LRRTM3: variants seen among roughly 807,000 people sequenced by gnomAD.
LRRTM3 encodes leucine rich repeat transmembrane neuronal 3, also known as leucine-rich repeat transmembrane neuronal protein 3.
LRRTM3 carries 24 observed loss-of-function variants against 44.7 expected under a neutral mutation model. The observed-to-expected ratio is 0.54, with a 90% CI of 0.39 to 0.76. The LOEUF is 0.76. Among genes scored for constraint, LRRTM3 ranks in the 30% least tolerant of loss-of-function variants. LRRTM3 has a pLI of 0.00. For missense variants in LRRTM3, 587 were observed against 702.2 expected (o/e 0.84, Z 1.85); for synonymous variants, 277 against 278.7 (o/e 0.99, Z 0.06).
chr10:66,976,294 G>A (rs1201092626), intron 2 of LRRTM3, among the ~76,000 whole-genome samples: 1 of 152,168 alleles, frequency 6.6e-6, no homozygotes, highest in Non-Finnish European at 1.5e-5. Context: ...CGATACCCCT[G>A]TAAAAGGGAT....
At chr10:67,039,877 C>T (rs1415400727) in intron 2 of LRRTM3, among the ~76,000 whole-genome samples, 1 of 152,076 alleles carries the variant, frequency 6.6e-6, no homozygotes, top group African/African-American at 2.4e-5. Context: ...AATCTGAATA[C>T]CTATGACCTC....
At chr10:66,984,585 A>G (rs1850623086) in intron 2 of LRRTM3, among the ~76,000 whole-genome samples, 2 of 152,198 alleles carry the variant, frequency 1.3e-5, no homozygotes, top group South Asian at 4.1e-4. Flanking sequence ...GATCTTCAAA[A>G]TACTTCTCAA....
At chr10:67,062,639 C>A (rs924448075) in intron 2 of LRRTM3, among the ~76,000 whole-genome samples, 2 of 152,088 alleles carry the variant, frequency 1.3e-5, no homozygotes, top group African/African-American at 4.8e-5. Context: ...TAACATTCTT[C>A]TTTGCAAATG....
intron 2 of LRRTM3, among the ~76,000 whole-genome samples, chr10:66,989,311 T>C (rs75644171): frequency 0.018 from 2,717 of 152,326 alleles, 25 homozygotes; most frequent in African/African-American, 0.026. Context: ...ATTTAATATA[T>C]GTCAACTTAT....
At chr10:67,009,767 C>G (rs1852212305) in intron 2 of LRRTM3, among the ~76,000 whole-genome samples, 1 of 152,136 alleles carries the variant, frequency 6.6e-6, no homozygotes, top group Admixed American at 6.6e-5. Flanking sequence ...TTACTCCATT[C>G]CTCTGTCACC....
rs559774039 is a variant in LRRTM3 at position 66,954,498 on chromosome 10, G to A, written c.1536+26046G>A. Reference sequence around the variant, plus strand: ...GTTGTGCACTACACGGTCCCGCAATGGATTACAATATTAATGCTGACCTCT... The same window carrying A: ...GTTGTGCACTACACGGTCCCGCAATAGATTACAATATTAATGCTGACCTCT... On this transcript the variant is annotated intron_variant, in intron 2 of 2. Coordinates refer to ENST00000361320, the MANE Select transcript of LRRTM3 (RefSeq NM_178011.5). Among the ~76,000 whole-genome samples the A allele has an allele frequency of 1.9e-3, 294 of 152,198 alleles. 2 individuals carry two copies. The highest frequency in any genetic ancestry group is 3.3e-3 in the Non-Finnish European group (227 of 67,988).
chr10:66,968,216 G>C (rs2132812663), intron 2 of LRRTM3, among the ~76,000 whole-genome samples: 1 of 151,890 alleles, frequency 6.6e-6, no homozygotes, highest in Non-Finnish European at 1.5e-5. Flanking sequence ...TATGTTGCTG[G>C]CTGTGGATTT....
At chr10:67,017,457 G>A (rs1460130697) in intron 2 of LRRTM3, among the ~76,000 whole-genome samples, 1 of 152,132 alleles carries the variant, frequency 6.6e-6, no homozygotes, top group East Asian at 1.9e-4. Context: ...TGTGAGCCAC[G>A]ATTAGTCCTC....
intron 2 of LRRTM3, among the ~76,000 whole-genome samples, chr10:67,096,845 AC>A (rs1162143778): frequency 6.6e-6 from 1 of 151,822 alleles, no homozygotes; most frequent in Non-Finnish European, 1.5e-5. Flanking sequence ...TTTCATAGGA[AC>A]CATAGATTTT....
intron 2 of LRRTM3, among the ~76,000 whole-genome samples, chr10:67,064,125 G>T (rs762614733): frequency 6.6e-6 from 1 of 152,068 alleles, no homozygotes; most frequent in African/African-American, 2.4e-5. Flanking sequence ...AGATGTGTTA[G>T]CCTATCAACT....
chr10:66,973,610 T>A (rs1433665057), intron 2 of LRRTM3, among the ~76,000 whole-genome samples: 1 of 152,164 alleles, frequency 6.6e-6, no homozygotes, highest in Non-Finnish European at 1.5e-5. Context: ...TCTCAAATAA[T>A]TTTGTTAGAC....
intron 2 of LRRTM3, among the ~76,000 whole-genome samples, chr10:67,034,252 T>G (rs1564844761): frequency 6.6e-6 from 1 of 152,196 alleles, no homozygotes; most frequent in Non-Finnish European, 1.5e-5. Context: ...CTGGAGCTTA[T>G]TCTGTGTAAT....
chr10:67,063,354 A>T (rs1272507269), intron 2 of LRRTM3, among the ~76,000 whole-genome samples: 1 of 152,216 alleles, frequency 6.6e-6, no homozygotes, highest in East Asian at 1.9e-4. Context: ...TGAGAATCAA[A>T]CTAGATAAAG....
At chr10:67,065,704 GT>G (rs1856032548) in intron 2 of LRRTM3, among the ~76,000 whole-genome samples, 1 of 151,970 alleles carries the variant, frequency 6.6e-6, no homozygotes, top group South Asian at 2.1e-4. Context: ...GAACTCCAAG[GT>G]CCTAGATAAA....
intron 2 of LRRTM3, among the ~76,000 whole-genome samples, chr10:66,997,400 A>G (rs1851414548): frequency 6.6e-6 from 1 of 152,306 alleles, no homozygotes; most frequent in East Asian, 1.9e-4. Context: ...TTTTAATCAG[A>G]TTTCATTTTA....
intron 2 of LRRTM3, among the ~76,000 whole-genome samples, chr10:66,996,524 T>G (rs906434541): frequency 1.3e-5 from 2 of 151,832 alleles, no homozygotes; most frequent in African/African-American, 4.8e-5. Context: ...GGCGCGTGCC[T>G]GTAGTCCCAG....
At chr10:66,962,828 A>G (rs2177352) in intron 2 of LRRTM3, among the ~76,000 whole-genome samples, 37,202 of 152,004 alleles carry the variant, frequency 0.24, 5,040 homozygotes, top group East Asian at 0.36. Flanking sequence ...AGCAATTATC[A>G]CCATATAATA....
intron 2 of LRRTM3, among the ~76,000 whole-genome samples, chr10:67,012,093 A>G (rs147431207): frequency 6.6e-6 from 1 of 152,354 alleles, no homozygotes; most frequent in East Asian, 1.9e-4. Context: ...GATACAAGTC[A>G]AACACAACTC....
chr10:67,044,805 G>A (rs1287102788), intron 2 of LRRTM3, among the ~76,000 whole-genome samples: 1 of 152,126 alleles, frequency 6.6e-6, no homozygotes, highest in Non-Finnish European at 1.5e-5. Flanking sequence ...ATGGTCTTTG[G>A]AGCCAAGAAA....
Sources: gnomAD v4.1 joint callset for allele counts (sites outside exome capture counted in the v4.1 genomes callset) on GRCh38, gnomAD v4.1.1 for gene constraint, MANE v1.5 for transcripts, NCBI Gene and HGNC (gene_info 2026-07-23, HGNC 2026-07-21) for gene names.